The following TMEM106B variants were observed in gnomAD, a reference collection of about 807,000 sequenced individuals.
TMEM106B encodes the protein transmembrane protein 106B.
In TMEM106B, 15 loss-of-function variants were observed where a neutral mutation model predicts 31.1. The observed-to-expected ratio is 0.48, with a 90% CI of 0.32 to 0.74. The LOEUF is 0.74. Ranked by LOEUF, TMEM106B falls within the 30% of genes least tolerant of loss-of-function variation. The pLI, the probability that TMEM106B is intolerant of heterozygous loss-of-function variation, is 0.03. For missense variants in TMEM106B, 283 were observed against 327.3 expected (o/e 0.86, Z 1.04); for synonymous variants, 126 against 112.5 (o/e 1.12, Z -0.76).
chr7:12,213,253 G>C (rs183944018), intron 1 of TMEM106B, among the ~76,000 whole-genome samples: 2 of 146,546 alleles, frequency 1.4e-5, no homozygotes, highest in African/African-American at 2.6e-5. Flanking sequence ...TTAATATTTT[G>C]GAACATTGGC....
chr7:12,223,682 G>T (rs1038300216), intron 3 of TMEM106B, among the ~76,000 whole-genome samples: 23 of 146,668 alleles, frequency 1.6e-4, no homozygotes, highest in African/African-American at 5.8e-4. Context: ...ATGTTCTATT[G>T]TTTTTAAGCC....
chr7:12,215,066 A>C, intron 2 of TMEM106B, 39 bp downstream of exon 2: 1 of 1,560,616 alleles, frequency 6.4e-7, no homozygotes. Flanking sequence ...AAATGATTTT[A>C]GGTATTTGCT....
intron 3 of TMEM106B, among the ~76,000 whole-genome samples, chr7:12,222,690 A>G (rs1781811187): frequency 1.3e-5 from 2 of 152,318 alleles, no homozygotes; most frequent in African/African-American, 4.8e-5. Context: ...ACTCAGGTTG[A>G]GAGAGTCCAA....
At chr7:12,223,274 TTGAGA>T (rs1242426064) in intron 3 of TMEM106B, among the ~76,000 whole-genome samples, 3 of 152,170 alleles carry the variant, frequency 2.0e-5, no homozygotes, top group East Asian at 1.9e-4. Context: ...TGTAAGTACT[TTGAGA>T]TGAGAATACT....
chr7:12,230,302 T>G (rs1275633829), intron 5 of TMEM106B, 87 bp from the exon 6 acceptor site: 1 of 971,120 alleles, frequency 1.0e-6, no homozygotes, highest in Non-Finnish European at 1.6e-6. Flanking sequence ...GGAGAAAAAT[T>G]TCTAATTATT....
At chr7:12,220,132 T>A (rs1781759868) in intron 3 of TMEM106B, among the ~76,000 whole-genome samples, 1 of 152,132 alleles carries the variant, frequency 6.6e-6, no homozygotes, top group South Asian at 2.1e-4. Context: ...CATATTTAAA[T>A]CAGGAAAATA....
intron 3 of TMEM106B, among the ~76,000 whole-genome samples, chr7:12,222,836 C>T (rs1311982863): frequency 6.6e-6 from 1 of 152,160 alleles, no homozygotes; most frequent in East Asian, 1.9e-4. Flanking sequence ...ACTTGGGCAA[C>T]TTAAAACACT....
rs1782105216 is a variant in TMEM106B, at chr7:12,235,115, T to C, written c.*3140T>C. On this transcript the variant is annotated 3_prime_UTR_variant, in exon 8 of 8. Coordinates refer to ENST00000396668, the MANE Select transcript of TMEM106B (RefSeq NM_001134232.2). ...TGGACTAAGATTTTGGTAGCATTGT[T>C]TTCTAAAATATTTTAAATGGAGAAT... The C allele has an allele frequency of 6.6e-6, 1 of 152,346 alleles. No individual in the cohort carries two copies. The highest frequency in any genetic ancestry group is 1.5e-5 in the Non-Finnish European group (1 of 67,840). 9.4% of individuals were successfully genotyped at this position (152,346 alleles called of 1,614,324 possible).
intron 2 of TMEM106B, among the ~76,000 whole-genome samples, chr7:12,216,628 C>G (rs1347707320): frequency 6.6e-6 from 1 of 151,998 alleles, no homozygotes; most frequent in Non-Finnish European, 1.5e-5. Context: ...GAGACCCTAG[C>G]GAATCCTGAG....
intron 4 of TMEM106B, among the ~76,000 whole-genome samples, chr7:12,226,469 A>G (rs1016595652): frequency 2.6e-5 from 4 of 152,210 alleles, no homozygotes; most frequent in African/African-American, 7.2e-5. Flanking sequence ...TTTGCTAACT[A>G]TTGAATTAGG....
In TMEM106B at chr7:12,240,904, TACTG is replaced by T. The variant is rs1206798533; in HGVS notation, c.*8931_*8934del. The T allele has an allele frequency of 3.3e-5, 5 of 152,160 alleles. No homozygotes were observed. The highest frequency in any genetic ancestry group is 2.6e-4 in the Admixed American group (4 of 15,268). The allele number at this position is 152,160 out of a possible 1,614,324, so 9.4% of individuals were successfully genotyped here. ...TACAGTCACTTCTTCAGTGATAACT[TACTG>T]AGTGTGATTCAACAAAACTGCTTTG... On this transcript the variant is annotated 3_prime_UTR_variant, in exon 8 of 8. Coordinates refer to ENST00000396668, the MANE Select transcript of TMEM106B (RefSeq NM_001134232.2).
chr7:12,226,884 C>T (rs1057076113), intron 4 of TMEM106B, among the ~76,000 whole-genome samples: 2 of 151,668 alleles, frequency 1.3e-5, no homozygotes, highest in Non-Finnish European at 2.9e-5. Flanking sequence ...CTCACTTAGC[C>T]CTTTGGAACA....
chr7:12,214,670 C>G (rs1219597228), intron 1 of TMEM106B, 139 bp from the exon 2 acceptor site: 5 of 780,816 alleles, frequency 6.4e-6, no homozygotes, highest in Non-Finnish European at 7.8e-6. Context: ...ATTTTTGGCT[C>G]CGAATAAATC....
At position 12,242,586 on chromosome 7, in the gene TMEM106B, C is replaced by T. The variant is rs1031675997; in HGVS notation, c.*10611C>T. On this transcript the variant is annotated 3_prime_UTR_variant, in exon 8 of 8. Coordinates refer to ENST00000396668, the MANE Select transcript of TMEM106B (RefSeq NM_001134232.2). ...AGAGAGTGTTTTACTGAAATATAAA[C>T]TTTTATGCATCTGATATTATCTAAT... 6.6e-6 allele frequency: 1 copy of T among 151,944 alleles called. No individual in the cohort carries two copies. Among genetic ancestry groups the T allele is most frequent in the Non-Finnish European group, 1.5e-5 (1 of 67,982 alleles). 9.4% of individuals were successfully genotyped at this position (151,944 alleles called of 1,614,324 possible).
rs1782040458 is a variant in TMEM106B, at chr7:12,232,237, T to C, written c.*262T>C. The C allele has an allele frequency of 3.8e-6, 1 of 259,900 alleles. No individual in the cohort carries two copies. The highest frequency in any genetic ancestry group is 2.2e-5 in the African/African-American group (1 of 45,798). 16.1% of individuals were successfully genotyped at this position (259,900 alleles called of 1,614,324 possible). A position where few individuals can be genotyped will look rare whatever the true frequency, so the allele number is the denominator to read the frequency against. ...CAGCCTATCCCCTACAGGGAAAAGC[T>C]GATACTTCCCCTATAGTACAATAAA... On this transcript the variant is annotated 3_prime_UTR_variant, in exon 8 of 8. Transcript: ENST00000396668.
At chr7:12,229,542 A>G in intron 4 of TMEM106B, 137 bp from the exon 5 acceptor site, 1 of 706,746 alleles carries the variant, frequency 1.4e-6, no homozygotes, top group Non-Finnish European at 2.2e-6. Flanking sequence ...AATTGGTTTA[A>G]TTTTCTTTGA....
intron 3 of TMEM106B, 25 bp downstream of exon 3, chr7:12,218,546 G>A (rs781449626): frequency 5.7e-6 from 9 of 1,572,442 alleles, no homozygotes; most frequent in East Asian, 2.3e-5. Context: ...GAATATGGCA[G>A]TGTTTTATGT....
In TMEM106B at chr7:12,231,070, G is replaced by A; in HGVS notation, c.641G>A (p.Cys214Tyr). 6.3e-7 allele frequency: 1 copy of A among 1,592,186 alleles called. No individual in the cohort carries two copies. The highest frequency in any genetic ancestry group is 1.4e-5 in the African/African-American group (1 of 73,914). The change falls in exon 7 of 8, where the codon TGT (cysteine) becomes TAT (tyrosine). Residue 214 changes from cysteine to tyrosine, a missense_variant. Cys to Tyr is a radical substitution (Grantham distance 194). Coordinates refer to ENST00000396668, the MANE Select transcript of TMEM106B (RefSeq NM_001134232.2). ...TTTAATTTCTTTAACAGTGATTTCTGTACTCTGATATCCATCAAAGTGCAT... is the reference window on the plus strand; with the variant it reads ...TTTAATTTCTTTAACAGTGATTTCTATACTCTGATATCCATCAAAGTGCAT... ...AEEMSYMYDF[C>Y]TLISIKVHNI...
rs1441274612 is a variant in TMEM106B, at chr7:12,237,810, T to TAC, written c.*5836_*5837insCA. ...ACATGGCGAGACCCCATATAAAATATATACATACACACACACACACACACA... is the reference window on the plus strand; with the variant it reads ...ACATGGCGAGACCCCATATAAAATATACATACATACACACACACACACACACA... On this transcript the variant is annotated 3_prime_UTR_variant, in exon 8 of 8. Coordinates refer to ENST00000396668, the MANE Select transcript of TMEM106B (RefSeq NM_001134232.2). The TAC allele has an allele frequency of 0.066, 7,722 of 117,808 alleles. 261 individuals are homozygous for TAC. Among genetic ancestry groups the TAC allele is most frequent in the Middle Eastern group, 0.1 (25 of 248 alleles). The allele number at this position is 117,808 out of a possible 1,614,324, so 7.3% of individuals were successfully genotyped here. A position where few individuals can be genotyped will look rare whatever the true frequency, so the allele number is the denominator to read the frequency against.
Sources: allele counts gnomAD v4.1 joint callset (sites outside exome capture counted in the v4.1 genomes callset), GRCh38; gene constraint gnomAD v4.1.1; transcripts MANE v1.5; gene names NCBI Gene and HGNC (gene_info 2026-07-23, HGNC 2026-07-21).